The following PRKCE variants were observed in gnomAD, a reference collection of about 807,000 sequenced individuals.
PRKCE encodes the protein protein kinase C epsilon.
PRKCE carries 16 observed loss-of-function variants against 85.4 expected under a neutral mutation model. The observed-to-expected ratio is 0.19, with a 90% CI of 0.13 to 0.28. The LOEUF is 0.28. PRKCE is among the 10% of genes least tolerant of loss of function. The pLI, the probability that PRKCE is intolerant of heterozygous loss-of-function variation, is 1.00. For synonymous variants in PRKCE, 388 were observed against 371.5 expected, an observed-to-expected ratio of 1.04 and a Z score of -0.51; for missense variants, 573 against 975.2, an observed-to-expected ratio of 0.59 and a Z score of 5.49.
chr2:45,811,748 G>C (rs1252900640), intron 1 of PRKCE, among the ~76,000 whole-genome samples: 2 of 152,124 alleles, frequency 1.3e-5, no homozygotes, highest in Admixed American at 1.3e-4. Flanking sequence ...CCTAGAATAA[G>C]AACAGATGAT....
intron 14 of PRKCE, among the ~76,000 whole-genome samples, chr2:46,177,430 G>T (rs924461358): frequency 3.3e-5 from 5 of 152,294 alleles, no homozygotes; most frequent in African/African-American, 4.8e-5. Context: ...TGTTGGCAGG[G>T]TCTTGCTCCC....
At chr2:45,974,063 T>A (rs1161797468) in intron 2 of PRKCE, among the ~76,000 whole-genome samples, 1 of 152,184 alleles carries the variant, frequency 6.6e-6, no homozygotes, top group Non-Finnish European at 1.5e-5. Context: ...CAGGATGATG[T>A]TTCTGGATTG....
intron 10 of PRKCE, among the ~76,000 whole-genome samples, chr2:46,066,412 G>A (rs1667630330): frequency 6.6e-6 from 1 of 152,102 alleles, no homozygotes; most frequent in Non-Finnish European, 1.5e-5. Flanking sequence ...ATAGGTAGAG[G>A]TTGAATTGGC....
intron 2 of PRKCE, among the ~76,000 whole-genome samples, chr2:45,890,912 C>T (rs771506494): frequency 1.3e-5 from 2 of 152,120 alleles, no homozygotes; most frequent in African/African-American, 4.8e-5. Context: ...CCTGACAGCA[C>T]GCATGGTCTA....
At chr2:45,844,147 A>G (rs1262463221) in intron 2 of PRKCE, among the ~76,000 whole-genome samples, 1 of 152,206 alleles carries the variant, frequency 6.6e-6, no homozygotes. Flanking sequence ...GTGGTGCCTG[A>G]TGATTTCCAT....
chr2:45,796,819 T>C (rs979789860), intron 1 of PRKCE, among the ~76,000 whole-genome samples: 13 of 152,204 alleles, frequency 8.5e-5, no homozygotes, highest in African/African-American at 2.7e-4. Flanking sequence ...GGTCTCACTA[T>C]GTTACCCAGA....
At chr2:46,174,402 A>T (rs1286257814) in intron 14 of PRKCE, among the ~76,000 whole-genome samples, 1 of 152,244 alleles carries the variant, frequency 6.6e-6, no homozygotes. Flanking sequence ...GGATTGTGAG[A>T]CCCATTCAGC....
At chr2:46,146,258 G>T (rs1676058390) in intron 12 of PRKCE, among the ~76,000 whole-genome samples, 1 of 152,264 alleles carries the variant, frequency 6.6e-6, no homozygotes, top group Non-Finnish European at 1.5e-5. Context: ...TCTGAGACAT[G>T]TAAGATAGGA....
chr2:45,981,135 A>G (rs982134003), intron 5 of PRKCE, among the ~76,000 whole-genome samples: 5 of 152,212 alleles, frequency 3.3e-5, no homozygotes, highest in African/African-American at 4.8e-5. Flanking sequence ...AAATGCAACA[A>G]TGAAGCTAGG....
intron 2 of PRKCE, among the ~76,000 whole-genome samples, chr2:45,889,564 T>TGGTGGGGTGG (rs373159208): frequency 2.4e-5 from 2 of 83,880 alleles, no homozygotes; most frequent in African/African-American, 4.7e-5. Context: ...TACTGGCTGT[T>TGGTGGGGTGG]GGTGGGGTGG....
chr2:46,178,960 G>A (rs947634766), intron 14 of PRKCE, among the ~76,000 whole-genome samples: 2 of 152,108 alleles, frequency 1.3e-5, no homozygotes, highest in African/African-American at 4.8e-5. Flanking sequence ...GCCTCACGTG[G>A]GACCTAGAAG....
chr2:45,683,048 A>C (rs192433091), intron 1 of PRKCE, among the ~76,000 whole-genome samples: 1 of 152,278 alleles, frequency 6.6e-6, no homozygotes, highest in Non-Finnish European at 1.5e-5. Flanking sequence ...ATAGTTTGTA[A>C]TGGCCTTAGT....
At chr2:46,070,343 T>TA (rs991567348) in intron 10 of PRKCE, among the ~76,000 whole-genome samples, 9 of 152,300 alleles carry the variant, frequency 5.9e-5, no homozygotes, top group African/African-American at 2.2e-4. Context: ...TTTTGATGTA[T>TA]AAAAAAATGG....
intron 1 of PRKCE, among the ~76,000 whole-genome samples, chr2:45,729,911 G>A (rs950850433): frequency 1.3e-5 from 2 of 152,204 alleles, no homozygotes; most frequent in Non-Finnish European, 2.9e-5. Context: ...AGTCTTAAAA[G>A]AGGAACAGAT....
At chr2:45,982,456 A>G (rs1558917800) in intron 5 of PRKCE, among the ~76,000 whole-genome samples, 2 of 151,882 alleles carry the variant, frequency 1.3e-5, no homozygotes, top group Non-Finnish European at 2.9e-5. Context: ...CCCCCATCTC[A>G]TGTCTGTGTG....
chr2:45,968,495 G>C (rs1701883948), intron 2 of PRKCE, among the ~76,000 whole-genome samples: 2 of 152,164 alleles, frequency 1.3e-5, no homozygotes, highest in South Asian at 4.1e-4. Flanking sequence ...ATGGGAGGGA[G>C]GTGATGATGA....
intron 10 of PRKCE, among the ~76,000 whole-genome samples, chr2:46,035,663 T>C (rs1024884914): frequency 3.3e-5 from 5 of 152,256 alleles, no homozygotes; most frequent in African/African-American, 1.2e-4. Flanking sequence ...TGCGTGTGTA[T>C]ATAGTAGATG....
intron 11 of PRKCE, among the ~76,000 whole-genome samples, chr2:46,096,402 C>G (rs1372841415): frequency 6.6e-6 from 1 of 152,172 alleles, no homozygotes; most frequent in African/African-American, 2.4e-5. Context: ...CCCCCAACCC[C>G]CAGATTCTTA....
chr2:45,773,313 CTGTG>C (rs1213737976), intron 1 of PRKCE, among the ~76,000 whole-genome samples: 3 of 152,160 alleles, frequency 2.0e-5, no homozygotes, highest in African/African-American at 7.2e-5. Flanking sequence ...TTCTGGCCAG[CTGTG>C]TGACATTGAG....
Sources: gnomAD v4.1 joint callset for allele counts (sites outside exome capture counted in the v4.1 genomes callset) on GRCh38, gnomAD v4.1.1 for gene constraint, MANE v1.5 for transcripts, NCBI Gene and HGNC (gene_info 2026-07-23, HGNC 2026-07-21) for gene names.